The following LRTM3 variants were observed in gnomAD, a reference collection of about 807,000 sequenced individuals.
LRTM3 encodes leucine rich repeat transmembrane protein 3.
chr13:102,738,299 T>A, the LRTM3 span: 1 of 1,550,890 alleles, frequency 6.4e-7, no homozygotes, highest in Non-Finnish European at 8.7e-7. Flanking sequence ...GGCCACTCCA[T>A]CTGCTTTTTC....
chr13:102,735,781 A>G, the LRTM3 span: 3 of 1,542,588 alleles, frequency 1.9e-6, no homozygotes, highest in Non-Finnish European at 2.6e-6. Context: ...GTGGTGGAAA[A>G]CTGAATTGTG....
chr13:102,746,576 G>A, the LRTM3 span: 1 of 1,550,912 alleles, frequency 6.4e-7, no homozygotes, highest in East Asian at 2.4e-5. Context: ...TGAGATTGAT[G>A]GCTTCACAGC....
At chr13:102,744,656 T>C in the LRTM3 span, 1 of 1,550,900 alleles carries the variant, frequency 6.4e-7, no homozygotes, top group Non-Finnish European at 8.7e-7. Flanking sequence ...AGGGTCAGGA[T>C]CTTTCATTTG....
At chr13:102,755,995 C>T in the LRTM3 span, among the ~76,000 whole-genome samples, 6,784 of 137,814 alleles carry the variant, frequency 0.049, 285 homozygotes, top group African/African-American at 0.11. Flanking sequence ...GGAGTCGCTT[C>T]GTCTCCCAGG....
the LRTM3 span, chr13:102,749,400 C>A: frequency 4.5e-6 from 7 of 1,551,336 alleles, no homozygotes; most frequent in Non-Finnish European, 6.1e-6. Context: ...TCTTCAGTGA[C>A]TAAATTTGGA....
the LRTM3 span, chr13:102,733,480 C>G: frequency 1.3e-6 from 2 of 1,551,282 alleles, no homozygotes; most frequent in Non-Finnish European, 1.7e-6. Flanking sequence ...CATACAGTTC[C>G]TTAGATATTT....
the LRTM3 span, chr13:102,747,207 G>T: frequency 6.4e-7 from 1 of 1,550,504 alleles, no homozygotes; most frequent in South Asian, 1.2e-5. Flanking sequence ...AGCTTGATAT[G>T]ACTGTGATTC....
the LRTM3 span, chr13:102,735,145 C>G: frequency 6.4e-7 from 1 of 1,551,280 alleles, no homozygotes. Context: ...CCTCCTCTTG[C>G]TCTCTAGTTT....
chr13:102,739,181 AT>A, the LRTM3 span: 5 of 1,549,672 alleles, frequency 3.2e-6, no homozygotes, highest in Non-Finnish European at 4.4e-6. Flanking sequence ...TTCCTGCGTC[AT>A]TTTCTCTAGT....
At chr13:102,738,431 G>A in the LRTM3 span, 80 of 1,550,664 alleles carry the variant, frequency 5.2e-5, no homozygotes, top group Non-Finnish European at 6.7e-5. Context: ...AGGAATGGAA[G>A]CGCAGGCATT....
At chr13:102,745,981 T>TA in the LRTM3 span, 1 of 1,551,218 alleles carries the variant, frequency 6.4e-7, no homozygotes, top group Non-Finnish European at 8.7e-7. Flanking sequence ...CATTGAGTAT[T>TA]AAGCCATCGC....
the LRTM3 span, among the ~76,000 whole-genome samples, chr13:102,756,608 A>T: frequency 2.3e-5 from 3 of 132,050 alleles, no homozygotes; most frequent in Non-Finnish European, 4.7e-5. Flanking sequence ...CAGGAGGCGG[A>T]GGTTGCAGTG....
chr13:102,735,568 G>T, the LRTM3 span: 1 of 1,551,016 alleles, frequency 6.4e-7, no homozygotes, highest in Non-Finnish European at 8.7e-7. Flanking sequence ...TTTTGGTATT[G>T]AGTATATCTG....
chr13:102,757,356 T>C, the LRTM3 span, among the ~76,000 whole-genome samples: 1 of 105,730 alleles, frequency 9.5e-6, no homozygotes, highest in Non-Finnish European at 2.1e-5. Context: ...AGTAATCCTC[T>C]GATTCACACA....
the LRTM3 span, chr13:102,732,632 G>A: frequency 6.4e-7 from 1 of 1,551,118 alleles, no homozygotes; most frequent in Non-Finnish European, 8.7e-7. Context: ...GATGACTTGA[G>A]TCTTCATTTG....
the LRTM3 span, chr13:102,734,702 G>T: frequency 1.3e-6 from 2 of 1,550,964 alleles, no homozygotes; most frequent in Non-Finnish European, 1.7e-6. Flanking sequence ...CCGCAAAATA[G>T]GTCTTTTAAG....
chr13:102,758,969 C>A, the LRTM3 span: 1 of 1,264,586 alleles, frequency 7.9e-7, no homozygotes, highest in South Asian at 1.4e-5. Flanking sequence ...GTGTCTCATT[C>A]AGAAGTCCTT....
chr13:102,747,925 G>C, the LRTM3 span: 1 of 1,551,168 alleles, frequency 6.4e-7, no homozygotes, highest in African/African-American at 1.4e-5. Context: ...TGCTGAACCT[G>C]AAGCCTTGTG....
chr13:102,743,267 G>A, the LRTM3 span: 7 of 1,550,482 alleles, frequency 4.5e-6, no homozygotes, highest in African/African-American at 8.2e-5. Context: ...CTCTATTTGT[G>A]TTGGTTGTGT....
Sources: gnomAD v4.1 joint callset for allele counts (sites outside exome capture counted in the v4.1 genomes callset) on GRCh38, gnomAD v4.1.1 for gene constraint, MANE v1.5 for transcripts, NCBI Gene and HGNC (gene_info 2026-07-23, HGNC 2026-07-21) for gene names.